Variants in SPTBN2 observed in about 807,000 individuals in gnomAD.
The protein encoded by SPTBN2 is spectrin beta, non-erythrocytic 2.
Under a neutral mutation model 284.2 loss-of-function variants are expected in SPTBN2, and 107 were observed. The ratio of observed to expected loss-of-function variants is 0.38; its 90% CI spans 0.32 to 0.44. SPTBN2 has a LOEUF of 0.44. SPTBN2 is among the 20% of genes least tolerant of loss of function. The probability of loss-of-function intolerance (pLI) is 1.00; values close to 1 mark genes in which losing one functional copy is unlikely to be tolerated. For synonymous variants in SPTBN2, 1,289 were observed against 1,354.8 expected (o/e 0.95, Z 1.07); for missense variants, 2,569 against 3,287.1 (o/e 0.78, Z 5.34).
rs2034939006 is a variant in SPTBN2 at position 66,692,748 on chromosome 11, A to G, written c.4986-8T>C. 1.2e-6 allele frequency: 2 copies of G among 1,600,716 alleles called. No homozygotes were observed. The stretch of plus-strand genomic sequence containing the variant: ...CGGATGGATATCCGAGTGCTGCAAG[A>G]AGAGTGAGGGAGGCACTGTGGGACT... On this transcript the variant is annotated splice_region_variant and splice_polypyrimidine_tract_variant and intron_variant, in intron 25 of 37. Transcript: ENST00000533211.
intron 15 of SPTBN2, 123 bp from the exon 16 acceptor site, chr11:66,701,844 GTC>G (rs1156696076): frequency 1.5e-6 from 2 of 1,374,154 alleles, no homozygotes; most frequent in East Asian, 2.3e-5. Context: ...ATCTGCAGGA[GTC>G]TCTCTGCCTC....
chr11:66,715,154 A>G lies in SPTBN2; in HGVS notation c.483+68T>C. 1.3e-6 allele frequency: 2 copies of G among 1,599,904 alleles called. No homozygotes were observed. Among genetic ancestry groups the G allele is most frequent in the African/African-American group, 2.7e-5 (2 of 74,712 alleles). On this transcript the variant is annotated intron_variant, in intron 5 of 37. Transcript: ENST00000533211. This position sits in a 1 kb window ranked among gnomAD's most constrained non-coding sequence, Gnocchi z 5.3. ...CTTTGTGTTTGTTGTGTCATGGGCCAGCAGGAACGGCTTGCGGTGCAGAGC... is the reference window on the plus strand; with the variant it reads ...CTTTGTGTTTGTTGTGTCATGGGCCGGCAGGAACGGCTTGCGGTGCAGAGC...
Position 66,692,542 on chromosome 11 carries a change from A to G in SPTBN2, c.5184T>C (p.His1728=). ...GTGCCCTCCCTACACTCACAGTCAC[A>G]TGCTCGTAGTCCTGGCCCAGCTCGT... ...ASHELGQDYE[H]VTMLRDKFRE... is the part of the protein sequence containing the mutation. Residue 1728 remains histidine, a synonymous_variant, in exon 26 of 38, where the codon CAT becomes CAC. Coordinates refer to ENST00000533211, the MANE Select transcript of SPTBN2 (RefSeq NM_006946.4). 6.2e-7 allele frequency: 1 copy of G among 1,602,714 alleles called. No individual in the cohort carries two copies. Among genetic ancestry groups the G allele is most frequent in the Non-Finnish European group, 8.5e-7 (1 of 1,179,920 alleles).
In SPTBN2 at chr11:66,705,855, A is replaced by G; in HGVS notation, c.1654-18T>C. On this transcript the variant is annotated intron_variant, in intron 13 of 37. Transcript: ENST00000533211. The stretch of plus-strand genomic sequence containing the variant: ...AGCCGGCCCTGCCAGGCACACATGA[A>G]GTGCACATGCCCGCCTGAGCACAGA... 1 of 1,611,566 alleles carries G rather than the reference A, an allele frequency of 6.2e-7. No individual in the cohort carries two copies. The highest frequency in any genetic ancestry group is 8.5e-7 in the Non-Finnish European group (1 of 1,179,630).
At chr11:66,727,967 A>C (rs1369560612) in intron 1 of SPTBN2, 13 of 95,114 alleles carry the variant, frequency 1.4e-4, no homozygotes, top group East Asian at 5.5e-4. Context: ...CTTGGCCCCC[A>C]CCGCCCTCAT....
In SPTBN2 at chr11:66,690,117, C is replaced by T. The variant is rs746569707; in HGVS notation, c.5732G>A (p.Arg1911His). 12 of 1,614,150 alleles carry T rather than the reference C, an allele frequency of 7.4e-6. No homozygotes were observed. Among genetic ancestry groups the T allele is most frequent in the South Asian group, 3.3e-5 (3 of 91,094 alleles). Residue 1911 changes from arginine to histidine, a missense_variant, in exon 28 of 38, where the codon CGC becomes CAC. By Grantham distance (29) the Arg-to-His change is conservative. Around this residue, in one of 6 missense-constraint regions of SPTBN2, gnomAD observed 1,130 missense variants for 1,317.3 expected, o/e 0.86. Transcript: ENST00000533211. ...CAGTTCCCGGACAGCCTTGAAGAAG[C>T]GGAACTTGTCTGTGGTGTCCAGCAG... ...QLLLDTTDKF[R>H]FFKAVRELML... is the part of the protein sequence containing the mutation.
chr11:66,696,830 T>G (rs1940941355), intron 20 of SPTBN2, among the ~76,000 whole-genome samples: 1 of 152,238 alleles, frequency 6.6e-6, no homozygotes, highest in South Asian at 2.1e-4. Context: ...GCCTGTGGTT[T>G]CTGGCACCAC....
Position 66,685,745 on chromosome 11 carries a change from A to G in SPTBN2, c.*126T>C, listed in dbSNP as rs182030391. On this transcript the variant is annotated 3_prime_UTR_variant, in exon 38 of 38. Transcript: ENST00000533211. This position sits in a 1 kb window ranked among gnomAD's most constrained non-coding sequence, Gnocchi z 4.4. ...TCGTCCCCAGTGACAGTTCCTGGTGATGGGTTGACCTTGGCAACAGACCCT... is the reference window on the plus strand; with the variant it reads ...TCGTCCCCAGTGACAGTTCCTGGTGGTGGGTTGACCTTGGCAACAGACCCT... 3.6e-5 allele frequency: 31 copies of G among 856,156 alleles called. No individual in the cohort carries two copies. The Admixed American group carries it at 4.2e-4, about 12-fold the overall frequency. The allele number at this position is 856,156 out of a possible 1,614,324, so 53.0% of individuals were successfully genotyped here.
rs933769414 is a variant in SPTBN2, at chr11:66,708,003, C to G, written c.1350+138G>C. 8 of 1,467,728 alleles carry G rather than the reference C, an allele frequency of 5.5e-6. No homozygotes were observed. In the African/African-American group the frequency reaches 5.6e-5, roughly 10 times the overall value. The allele number at this position is 1,467,728 out of a possible 1,614,324, so 90.9% of individuals were successfully genotyped here. ...TCCTGTCCCACCCTCTGGCCCCTGG[C>G]TCCCGGACCTCTAGGCCTTTTTACC... On this transcript the variant is annotated intron_variant, in intron 12 of 37. Transcript: ENST00000533211. This position sits in a 1 kb window ranked among gnomAD's most constrained non-coding sequence, Gnocchi z 4.4.
At chr11:66,729,218 C>T (rs1486741798), upstream of SPTBN2, 1 of 152,222 alleles carries the variant, frequency 6.6e-6, no homozygotes, top group African/African-American at 2.4e-5. Flanking sequence ...AGGAATTATG[C>T]CCAAATCATG....
chr11:66,726,856 A>T (rs1179106179), intron 1 of SPTBN2, among the ~76,000 whole-genome samples: 1 of 152,180 alleles, frequency 6.6e-6, no homozygotes, highest in Non-Finnish European at 1.5e-5. Context: ...TGGCAGAGAG[A>T]TAAAACGAAA....
intron 3 of SPTBN2, among the ~76,000 whole-genome samples, chr11:66,716,194 T>C (rs970751154): frequency 6.6e-6 from 1 of 151,620 alleles, no homozygotes; most frequent in Non-Finnish European, 1.5e-5. Context: ...AGACAGAAAA[T>C]AGGCGAAGGT....
Position 66,688,018 on chromosome 11 carries a change from C to T in SPTBN2, c.6436G>A (p.Gly2146Arg). 6.2e-7 allele frequency: 1 copy of T among 1,614,222 alleles called. No homozygotes were observed. The highest frequency in any genetic ancestry group is 8.5e-7 in the Non-Finnish European group (1 of 1,180,046). Residue 2146 changes from glycine to arginine, a missense_variant, in exon 33 of 38, where the codon GGA (glycine) becomes AGA (arginine). Coordinates refer to ENST00000533211, the MANE Select transcript of SPTBN2 (RefSeq NM_006946.4). Reference sequence around the variant, plus strand: ...AGTGGGGTCACCTGTGAGGGCTCTCCATCTGTGCAGACTCCATTAACACTG... The same window carrying T: ...AGTGGGGTCACCTGTGAGGGCTCTCTATCTGTGCAGACTCCATTAACACTG... Reference protein sequence around the residue: ...APSVNGVCTDGEPSQPLLGQQ... With the variant: ...APSVNGVCTDREPSQPLLGQQ...
chr11:66,687,747 A>G lies in SPTBN2; in HGVS notation c.6502-100T>C, dbSNP rs1940233036. On this transcript the variant is annotated intron_variant, in intron 34 of 37. Coordinates refer to ENST00000533211, the MANE Select transcript of SPTBN2 (RefSeq NM_006946.4). The surrounding 1 kb of genome is among the most constrained non-coding windows in gnomAD (Gnocchi z 5.2). ...CCAGGAGTTGGTCTTCCTGCCCCCAAGCTGCCTGTGAGCCTCTGCCCTCTC... is the reference window on the plus strand; with the variant it reads ...CCAGGAGTTGGTCTTCCTGCCCCCAGGCTGCCTGTGAGCCTCTGCCCTCTC... 2.5e-6 allele frequency: 4 copies of G among 1,585,744 alleles called. No homozygotes were observed. The highest frequency in any genetic ancestry group is 1.8e-4 in the Middle Eastern group (1 of 5,688).
At chr11:66,688,374 G>C (rs929693496) in intron 31 of SPTBN2, 63 bp from the exon 32 acceptor site, 7 of 1,547,030 alleles carry the variant, frequency 4.5e-6, no homozygotes, top group African/African-American at 1.4e-5. Flanking sequence ...GGGAAACAGG[G>C]AGAGCTGAAA....
At chr11:66,703,982 T>A (rs973185508) in intron 15 of SPTBN2, among the ~76,000 whole-genome samples, 48 of 146,570 alleles carry the variant, frequency 3.3e-4, no homozygotes, top group Non-Finnish European at 5.6e-4. Flanking sequence ...CTTTTTTTTT[T>A]TTTTTTTTTT....
intron 1 of SPTBN2, 26 bp from the exon 2 acceptor site, chr11:66,721,466 A>G (rs1211674591): frequency 3.3e-6 from 2 of 606,488 alleles, no homozygotes; most frequent in Non-Finnish European, 5.9e-6. Context: ...CATCAGAAGC[A>G]CAGAAAGTGA....
In SPTBN2 at chr11:66,718,588, C is replaced by T; in HGVS notation, c.157+2496G>A. 6.6e-6 allele frequency among the ~76,000 whole-genome samples: 1 copy of T among 152,220 alleles called. No individual in the cohort carries two copies. The highest frequency in any genetic ancestry group is 1.9e-4 in the East Asian group (1 of 5,188). Reference sequence around the variant, plus strand: ...ACTCGCTGGCCTCATGCAGGCCGTTCCCGTGCACCCTGCTCACTCCGTTCC... The same window carrying T: ...ACTCGCTGGCCTCATGCAGGCCGTTTCCGTGCACCCTGCTCACTCCGTTCC... On this transcript the variant is annotated intron_variant, in intron 3 of 37. Coordinates refer to ENST00000533211, the MANE Select transcript of SPTBN2 (RefSeq NM_006946.4). The surrounding 1 kb of genome is among the most constrained non-coding windows in gnomAD (Gnocchi z 4.8).
intron 10 of SPTBN2, among the ~76,000 whole-genome samples, chr11:66,709,579 T>C (rs1417708519): frequency 6.6e-6 from 1 of 152,242 alleles, no homozygotes; most frequent in Non-Finnish European, 1.5e-5. Flanking sequence ...TGGCTGCCCA[T>C]GACTTATTTT....
Sources: gnomAD v4.1 joint callset for allele counts (sites outside exome capture counted in the v4.1 genomes callset) on GRCh38, gnomAD v4.1.1 for gene constraint, gnomAD v4.1.1 regional missense constraint, Gnocchi (gnomAD v3.1) non-coding constraint, MANE v1.5 for transcripts, NCBI Gene and HGNC (gene_info 2026-07-23, HGNC 2026-07-21) for gene names.